ZMIZ1: variants seen among roughly 807,000 people sequenced by gnomAD.
The protein encoded by ZMIZ1 is zinc finger MIZ-type containing 1, also known as zinc finger MIZ domain-containing protein 1.
A neutral mutation model predicts 113.9 loss-of-function variants in ZMIZ1; 17 were observed. That is an observed-to-expected ratio of 0.15 (90% confidence interval 0.10 to 0.22). The LOEUF (loss-of-function observed/expected upper bound fraction) is 0.22, where lower values mean the gene tolerates loss of function less well. Among genes scored for constraint, ZMIZ1 ranks in the 10% least tolerant of loss-of-function variants. The pLI, the probability that ZMIZ1 is intolerant of heterozygous loss-of-function variation, is 1.00. For missense variants in ZMIZ1, 1,059 were observed against 1,477.8 expected (o/e 0.72, Z 4.65); for synonymous variants, 607 against 603.1 (o/e 1.01, Z -0.09).
intron 1 of ZMIZ1, among the ~76,000 whole-genome samples, chr10:79,116,834 C>T (rs370373790): frequency 1.3e-5 from 2 of 152,206 alleles, no homozygotes; most frequent in East Asian, 1.9e-4. Flanking sequence ...ACTCACTGCC[C>T]CCTCAAGGAT....
rs1241998502 is a variant in ZMIZ1 at position 79,300,880 on chromosome 10, C to T, written c.1957C>T (p.Leu653=). Residue 653 remains leucine, a synonymous_variant, in exon 17 of 25, where the codon CTG becomes TTG. Transcript: ENST00000334512. The part of the protein sequence containing the change: ...DNKTSHKPLH[L]KHVCQPGRNT... ...CAAGACCTCCCACAAGCCCCTGCAC[C>T]TGAAGCACGTGTGCCAGCCGGGCCG... 1 of 1,613,350 alleles carries T rather than the reference C, an allele frequency of 6.2e-7. No homozygotes were observed. The highest frequency in any genetic ancestry group is 1.1e-5 in the South Asian group (1 of 91,086).
chr10:79,237,064 C>T (rs1195324942), intron 7 of ZMIZ1, among the ~76,000 whole-genome samples: 3 of 152,170 alleles, frequency 2.0e-5, no homozygotes, highest in Admixed American at 6.5e-5. Flanking sequence ...AGGGGTCCCC[C>T]GAGGGAAAGC....
chr10:79,132,341 ATCACCAGCCTTT>A (rs72122674), intron 2 of ZMIZ1, among the ~76,000 whole-genome samples: 40,698 of 152,028 alleles, frequency 0.27, 6,376 homozygotes, highest in South Asian at 0.59. Flanking sequence ...AGCTACTCTG[ATCACCAGCCTTT>A]TCGGCCGGGC....
intron 7 of ZMIZ1, among the ~76,000 whole-genome samples, chr10:79,267,545 C>A (rs1851681835): frequency 6.6e-6 from 1 of 152,014 alleles, no homozygotes; most frequent in Non-Finnish European, 1.5e-5. Flanking sequence ...ACTTATTATC[C>A]CCATTTTGCA....
At chr10:79,261,318 C>G (rs1217879877) in intron 7 of ZMIZ1, among the ~76,000 whole-genome samples, 6 of 152,258 alleles carry the variant, frequency 3.9e-5, no homozygotes, top group Non-Finnish European at 4.4e-5. Context: ...TTCCCTCTCC[C>G]TACATTCCGT....
At chr10:79,233,414 G>A (rs949698763) in intron 7 of ZMIZ1, among the ~76,000 whole-genome samples, 3 of 152,212 alleles carry the variant, frequency 2.0e-5, no homozygotes, top group African/African-American at 7.2e-5. Flanking sequence ...CACGCTCCCC[G>A]TAGATGGCAC....
rs527919206 is a variant in ZMIZ1, at chr10:79,162,097, C to T, written c.-86C>T. On this transcript the variant is annotated 5_prime_UTR_variant, in exon 4 of 25. Coordinates refer to ENST00000334512, the MANE Select transcript of ZMIZ1 (RefSeq NM_020338.4). ...GGTGGAGGGGCCGCAAGCTGCTGAC[C>T]GGCGTGTGGAACACTGGTGGTTTGC... 6.3e-5 allele frequency: 25 copies of T among 399,380 alleles called. No individual in the cohort carries two copies. Among genetic ancestry groups the T allele is most frequent in the Non-Finnish European group, 8.8e-5 (20 of 226,322 alleles). 24.7% of individuals were successfully genotyped at this position (399,380 alleles called of 1,614,324 possible). A position where few individuals can be genotyped will look rare whatever the true frequency, so the allele number is the denominator to read the frequency against.
rs67735676 is a variant in ZMIZ1, at chr10:79,164,404, T to TTGAGTGAGTGAG, written c.-50+2295_-50+2306dup. Among the ~76,000 whole-genome samples the TTGAGTGAGTGAG allele has an allele frequency of 1.6e-4, 24 of 151,398 alleles. No homozygotes were observed. The East Asian group carries it at 4.1e-3, about 26-fold the overall frequency. On this transcript the variant is annotated intron_variant, in intron 4 of 24. Coordinates refer to ENST00000334512, the MANE Select transcript of ZMIZ1 (RefSeq NM_020338.4). Reference sequence around the variant, plus strand: ...AGTGGCCCCATTGATATTCTGTTAATTGAGTGAGTGAGTGAGTGAGTGAGT... The same window carrying TTGAGTGAGTGAG: ...AGTGGCCCCATTGATATTCTGTTAATTGAGTGAGTGAGTGAGTGAGTGAGTGAGTGAGTGAGT...
chr10:79,078,284 C>T (rs943567966), intron 1 of ZMIZ1, among the ~76,000 whole-genome samples: 2 of 152,028 alleles, frequency 1.3e-5, no homozygotes, highest in African/African-American at 2.4e-5. Flanking sequence ...TCAGTTGTAC[C>T]CTATTATGTG....
At chr10:79,133,492 A>G (rs1029103190) in intron 2 of ZMIZ1, among the ~76,000 whole-genome samples, 1 of 152,178 alleles carries the variant, frequency 6.6e-6, no homozygotes, top group Non-Finnish European at 1.5e-5. Flanking sequence ...AAGAAGAGAG[A>G]AGTAGGGACC....
intron 1 of ZMIZ1, among the ~76,000 whole-genome samples, chr10:79,104,410 C>T (rs1274088328): frequency 6.6e-6 from 1 of 152,134 alleles, no homozygotes; most frequent in Non-Finnish European, 1.5e-5. Flanking sequence ...GTCAGAGGGA[C>T]CAGATTACCA....
chr10:79,130,988 A>T (rs1589310085), intron 2 of ZMIZ1, among the ~76,000 whole-genome samples: 1 of 151,656 alleles, frequency 6.6e-6, no homozygotes, highest in South Asian at 2.1e-4. Context: ...ATCCCGCTGC[A>T]CCCCCGCCTG....
chr10:79,070,305 G>T (rs947588118), intron 1 of ZMIZ1, among the ~76,000 whole-genome samples: 1 of 152,078 alleles, frequency 6.6e-6, no homozygotes, highest in Non-Finnish European at 1.5e-5. Context: ...GCCGGGCGGG[G>T]ATAGGGCGCG....
intron 19 of ZMIZ1, 26 bp from the exon 20 acceptor site, chr10:79,305,137 CA>C: frequency 6.2e-7 from 1 of 1,613,460 alleles, no homozygotes; most frequent in Non-Finnish European, 8.5e-7. Flanking sequence ...GTCCTGGTCT[CA>C]CCTGTGTCTG....
chr10:79,090,449 G>T (rs151100606), intron 1 of ZMIZ1, among the ~76,000 whole-genome samples: 3 of 152,306 alleles, frequency 2.0e-5, no homozygotes, highest in African/African-American at 7.2e-5. Flanking sequence ...CCCCTCTCAG[G>T]GTGTGGGGCT....
rs1422764860 is a variant in ZMIZ1 at position 79,131,558 on chromosome 10, AT to A, written c.-226-8122del. ...ATGATGAGTTTGCAGCACAAATGCC[AT>A]TGATTTCTCACAGCCCTGAAAACCA... On this transcript the variant is annotated intron_variant, in intron 2 of 24. Coordinates refer to ENST00000334512, the MANE Select transcript of ZMIZ1 (RefSeq NM_020338.4). Among the ~76,000 whole-genome samples, 7 of 152,282 alleles carry A rather than the reference AT, an allele frequency of 4.6e-5. No individual in the cohort carries two copies. The East Asian group carries it at 1.2e-3, about 25-fold the overall frequency.
At chr10:79,182,437 G>A (rs566362829) in intron 4 of ZMIZ1, among the ~76,000 whole-genome samples, 1 of 152,308 alleles carries the variant, frequency 6.6e-6, no homozygotes, top group South Asian at 2.1e-4. Context: ...CTCTGTGGGT[G>A]AGGTATGGGC....
At chr10:79,081,280 A>G (rs995475951) in intron 1 of ZMIZ1, among the ~76,000 whole-genome samples, 1 of 152,230 alleles carries the variant, frequency 6.6e-6, no homozygotes, top group African/African-American at 2.4e-5. Flanking sequence ...TGGAGAAGGC[A>G]GAATGGGCTT....
rs956638940 is a variant in ZMIZ1, at chr10:79,313,821, T to G, written c.*1072T>G. 3 of 348,848 alleles carry G rather than the reference T, an allele frequency of 8.6e-6. No homozygotes were observed. Among genetic ancestry groups the G allele is most frequent in the Admixed American group, 7.7e-5 (2 of 26,042 alleles). The allele number at this position is 348,848 out of a possible 1,614,324, so 21.6% of individuals were successfully genotyped here. On this transcript the variant is annotated 3_prime_UTR_variant, in exon 25 of 25. Transcript: ENST00000334512. ...GACTTCCGTGGGACACCCACTTCCCTCTGTCCTAGTTCTCTTTGTCCAATC... is the reference window on the plus strand; with the variant it reads ...GACTTCCGTGGGACACCCACTTCCCGCTGTCCTAGTTCTCTTTGTCCAATC...
Sources: gnomAD v4.1 joint callset for allele counts (sites outside exome capture counted in the v4.1 genomes callset) on GRCh38, gnomAD v4.1.1 for gene constraint, MANE v1.5 for transcripts, NCBI Gene and HGNC (gene_info 2026-07-23, HGNC 2026-07-21) for gene names.